GPC6: variants seen among roughly 807,000 people sequenced by gnomAD.
GPC6 encodes glypican 6.
A neutral mutation model predicts 55.2 loss-of-function variants in GPC6; 14 were observed. That is an observed-to-expected ratio of 0.25 (90% CI 0.17 to 0.40). The LOEUF is 0.40. Among genes scored for constraint, GPC6 ranks in the 10% least tolerant of loss-of-function variants. The pLI is 1.00. For missense variants in GPC6, 641 were observed against 708.5 expected (o/e 0.90, Z 1.08); for synonymous variants, 278 against 259.6 (o/e 1.07, Z -0.68).
At chr13:93,658,992 T>C (rs1047390708) in intron 2 of GPC6, among the ~76,000 whole-genome samples, 1 of 151,916 alleles carries the variant, frequency 6.6e-6, no homozygotes, top group Non-Finnish European at 1.5e-5. Flanking sequence ...AGTAAAAGCA[T>C]AGAGAATTTT....
chr13:94,199,427 C>A (rs1889684555), intron 4 of GPC6, among the ~76,000 whole-genome samples: 1 of 152,134 alleles, frequency 6.6e-6, no homozygotes, highest in Non-Finnish European at 1.5e-5. Flanking sequence ...CAGCTGCTTG[C>A]ACCTCCCCAT....
chr13:94,098,207 C>T (rs118068892), intron 4 of GPC6, among the ~76,000 whole-genome samples: 3,305 of 152,264 alleles, frequency 0.022, 44 homozygotes, highest in Non-Finnish European at 0.035. Flanking sequence ...TGTTTCATAG[C>T]TTTGGCCGTA....
chr13:94,027,843 G>T lies in GPC6; in HGVS notation c.826G>T (p.Gly276Cys). 6.2e-7 allele frequency: 1 copy of T among 1,614,038 alleles called. No individual in the cohort carries two copies. The highest frequency in any genetic ancestry group is 1.7e-5 in the Admixed American group (1 of 59,988). Reference protein sequence around the residue: ...CNNYCLNVMKGCLANQADLDT... With the variant: ...CNNYCLNVMKCCLANQADLDT... The stretch of plus-strand genomic sequence containing the variant: ...CAACTACTGTCTCAACGTCATGAAG[G>T]GCTGCTTGGCAAATCAGGCTGACCT... Residue 276 changes from glycine (G) to cysteine (C), a missense_variant, in exon 4 of 9, where the codon GGC (glycine) becomes TGC (cysteine). Physicochemically the swap from Gly to Cys is radical, Grantham distance 159. Coordinates refer to ENST00000377047, the MANE Select transcript of GPC6 (RefSeq NM_005708.5).
intron 4 of GPC6, among the ~76,000 whole-genome samples, chr13:94,201,918 C>CA (rs1357401805): frequency 2.6e-5 from 4 of 152,086 alleles, no homozygotes; most frequent in Admixed American, 2.0e-4. Flanking sequence ...CACTGCGCTC[C>CA]AGCCTGGGCA....
chr13:93,808,735 T>A (rs987781220), intron 2 of GPC6, among the ~76,000 whole-genome samples: 13 of 152,328 alleles, frequency 8.5e-5, no homozygotes, highest in African/African-American at 1.9e-4. Flanking sequence ...ACTGAGTACC[T>A]ACTGTGTTTC....
At chr13:94,230,495 G>C (rs149557675) in intron 4 of GPC6, among the ~76,000 whole-genome samples, 1 of 152,100 alleles carries the variant, frequency 6.6e-6, no homozygotes. Context: ...CTCCTGACAC[G>C]TGTGCCAGAG....
At chr13:94,168,965 G>T (rs772027460) in intron 4 of GPC6, among the ~76,000 whole-genome samples, 2 of 152,090 alleles carry the variant, frequency 1.3e-5, no homozygotes, top group African/African-American at 2.4e-5. Flanking sequence ...CTCCGTGGGC[G>T]TGGGGATAGA....
chr13:93,632,582 A>G (rs73543540), intron 2 of GPC6, among the ~76,000 whole-genome samples: 6,421 of 57,512 alleles, frequency 0.11, 504 homozygotes, highest in African/African-American at 0.22. Context: ...GAGCCAAACC[A>G]TGTCTCAAAT....
intron 4 of GPC6, among the ~76,000 whole-genome samples, chr13:94,045,437 C>T (rs1444074170): frequency 6.6e-6 from 1 of 151,732 alleles, no homozygotes; most frequent in African/African-American, 2.4e-5. Flanking sequence ...CTAAGATGAT[C>T]AAGTGTTTGC....
At chr13:94,123,201 A>G (rs113597931) in intron 4 of GPC6, among the ~76,000 whole-genome samples, 7 of 152,214 alleles carry the variant, frequency 4.6e-5, no homozygotes, top group African/African-American at 1.7e-4. Context: ...AAAACGTTAC[A>G]GAAATATGCT....
chr13:93,967,950 G>A (rs760412033), intron 3 of GPC6, among the ~76,000 whole-genome samples: 7 of 152,040 alleles, frequency 4.6e-5, no homozygotes, highest in Non-Finnish European at 8.8e-5. Context: ...AGGTAATCCC[G>A]TGGGCATTGA....
chr13:93,320,840 A>G (rs967775406), intron 1 of GPC6, among the ~76,000 whole-genome samples: 2 of 152,164 alleles, frequency 1.3e-5, no homozygotes, highest in African/African-American at 4.8e-5. Flanking sequence ...ACAAATCTTC[A>G]TGGCGGAGTA....
At chr13:93,576,447 C>A (rs1171844683) in intron 2 of GPC6, among the ~76,000 whole-genome samples, 3 of 152,148 alleles carry the variant, frequency 2.0e-5, no homozygotes, top group Non-Finnish European at 4.4e-5. Flanking sequence ...CTGCCTGACA[C>A]ATCTGTATAA....
chr13:93,811,567 C>T (rs955975551), intron 2 of GPC6, among the ~76,000 whole-genome samples: 2 of 150,208 alleles, frequency 1.3e-5, no homozygotes, highest in African/African-American at 4.9e-5. Context: ...AGACATTCCC[C>T]ACAAGCTTGA....
intron 1 of GPC6, among the ~76,000 whole-genome samples, chr13:93,460,744 A>G (rs1044060330): frequency 6.6e-6 from 1 of 152,154 alleles, no homozygotes; most frequent in African/African-American, 2.4e-5. Flanking sequence ...GTGGTTTTCT[A>G]TATTGATCAG....
chr13:93,685,826 G>A (rs1036683187), intron 2 of GPC6, among the ~76,000 whole-genome samples: 1 of 151,988 alleles, frequency 6.6e-6, no homozygotes, highest in Non-Finnish European at 1.5e-5. Context: ...ATTTTTCCTT[G>A]CGTTCACAAC....
intron 3 of GPC6, among the ~76,000 whole-genome samples, chr13:93,974,643 T>A (rs913108053): frequency 2.6e-5 from 4 of 152,202 alleles, no homozygotes; most frequent in African/African-American, 9.6e-5. Context: ...AATAGGACGT[T>A]TGATTTTCTT....
chr13:93,485,511 C>G (rs1338052932), intron 1 of GPC6, among the ~76,000 whole-genome samples: 2 of 152,074 alleles, frequency 1.3e-5, no homozygotes, highest in African/African-American at 4.8e-5. Context: ...ATGCTATTTA[C>G]TTCATTTTCA....
At chr13:93,610,837 T>C (rs1346106233) in intron 2 of GPC6, among the ~76,000 whole-genome samples, 1 of 152,150 alleles carries the variant, frequency 6.6e-6, no homozygotes, top group East Asian at 1.9e-4. Context: ...GGATTGATTT[T>C]ATGACACACC....
Sources: allele counts gnomAD v4.1 joint callset (sites outside exome capture counted in the v4.1 genomes callset), GRCh38; gene constraint gnomAD v4.1.1; transcripts MANE v1.5; gene names NCBI Gene and HGNC (gene_info 2026-07-23, HGNC 2026-07-21).